SIAH1: variants seen among roughly 807,000 people sequenced by gnomAD.
SIAH1 encodes siah E3 ubiquitin protein ligase 1.
A neutral mutation model predicts 20.0 loss-of-function variants in SIAH1; 2 were observed. The ratio of observed to expected loss-of-function variants is 0.10; its 90% confidence interval spans 0.04 to 0.31. SIAH1 has a LOEUF of 0.31. SIAH1 is among the 10% of genes least tolerant of loss of function. The probability of loss-of-function intolerance (pLI) is 1.00; values close to 1 mark genes in which losing one functional copy is unlikely to be tolerated. For missense variants in SIAH1, 119 were observed against 355.3 expected, an observed-to-expected ratio of 0.33 and a Z score of 5.35; for synonymous variants, 118 against 125.3, an observed-to-expected ratio of 0.94 and a Z score of 0.39.
chr16:48,362,420 A>T lies in SIAH1; in HGVS notation c.9T>A (p.Arg3=), dbSNP rs1191871776. 6.2e-7 allele frequency: 1 copy of T among 1,614,076 alleles called. No individual in the cohort carries two copies. The highest frequency in any genetic ancestry group is 1.7e-5 in the Admixed American group (1 of 60,016). Residue 3 remains arginine, a synonymous_variant, in exon 2 of 2, where the codon CGT becomes CGA. Transcript: ENST00000394725. This position sits in a 1 kb window ranked among gnomAD's most constrained non-coding sequence, Gnocchi z 4.2. MS[R]QTATALPTGT... is the part of the protein sequence containing the mutation. ...CGGTAGGTAATGCTGTAGCAGTCTG[A>T]CGGCTCATTTCTGAAATAAATACAT...
At chr16:48,363,514 G>C (rs1960693940) in intron 1 of SIAH1, 1 of 167,014 alleles carries the variant, frequency 6.0e-6, no homozygotes, top group South Asian at 2.1e-4. Context: ...GTCTGGTAGA[G>C]AAAGTATATC....
chr16:48,381,551 A>G (rs1403301795), intron 1 of SIAH1, among the ~76,000 whole-genome samples: 1 of 152,242 alleles, frequency 6.6e-6, no homozygotes, highest in Non-Finnish European at 1.5e-5. Flanking sequence ...TGGTACATCT[A>G]GACAACAGAT....
intron 1 of SIAH1, among the ~76,000 whole-genome samples, chr16:48,376,849 GA>G (rs1441928424): frequency 3.9e-5 from 6 of 152,196 alleles, no homozygotes; most frequent in Admixed American, 3.9e-4. Context: ...CAACAAGCCT[GA>G]GTTCTGGCCA....
chr16:48,381,583 T>G (rs1961293583), intron 1 of SIAH1, among the ~76,000 whole-genome samples: 1 of 152,042 alleles, frequency 6.6e-6, no homozygotes, highest in Non-Finnish European at 1.5e-5. Context: ...CCTAAAGAAA[T>G]GAATTACCAA....
At chr16:48,371,547 G>A (rs1302188345) in intron 1 of SIAH1, among the ~76,000 whole-genome samples, 1 of 152,222 alleles carries the variant, frequency 6.6e-6, no homozygotes, top group African/African-American at 2.4e-5. Context: ...TCAAAGCAAA[G>A]TATGTATCAT....
At chr16:48,380,928 C>CAAAAAAAAAAAAAAAA (rs59376248) in intron 1 of SIAH1, among the ~76,000 whole-genome samples, 2,406 of 44,796 alleles carry the variant, frequency 0.054, 773 homozygotes, top group Non-Finnish European at 0.059. Flanking sequence ...GACTCCGTCT[C>CAAAAAAAAAAAAAAAA]AAAAAAAAAA....
intron 1 of SIAH1, among the ~76,000 whole-genome samples, chr16:48,381,290 A>C (rs966773610): frequency 1.3e-5 from 2 of 152,162 alleles, no homozygotes; most frequent in Non-Finnish European, 2.9e-5. Context: ...AGTTGCAGTG[A>C]GCTGAGATTG....
intron 1 of SIAH1, among the ~76,000 whole-genome samples, chr16:48,372,199 A>C (rs1207644556): frequency 6.6e-6 from 1 of 152,220 alleles, no homozygotes; most frequent in Non-Finnish European, 1.5e-5. Context: ...TAAAATAGAA[A>C]AAAGTAATGG....
intron 1 of SIAH1, among the ~76,000 whole-genome samples, chr16:48,373,216 C>T (rs1338461415): frequency 6.6e-6 from 1 of 152,060 alleles, no homozygotes; most frequent in African/African-American, 2.4e-5. Flanking sequence ...TAAATTCCAT[C>T]AACATGCTAA....
chr16:48,374,153 C>T (rs1417362130), intron 1 of SIAH1, among the ~76,000 whole-genome samples: 2 of 152,150 alleles, frequency 1.3e-5, no homozygotes, highest in African/African-American at 4.8e-5. Context: ...ACATAATTCA[C>T]TTATTATTTT....
intron 1 of SIAH1, among the ~76,000 whole-genome samples, chr16:48,376,440 C>A (rs1304237522): frequency 6.6e-6 from 1 of 152,046 alleles, no homozygotes; most frequent in African/African-American, 2.4e-5. Context: ...CCAGCCTATT[C>A]ACAAAAAACT....
At chr16:48,364,471 C>T (rs1293999988) in intron 1 of SIAH1, among the ~76,000 whole-genome samples, 1 of 152,088 alleles carries the variant, frequency 6.6e-6, no homozygotes, top group African/African-American at 2.4e-5. Flanking sequence ...TTTAAAGTTC[C>T]AGAGGCAACA....
At chr16:48,385,509 T>A (rs1203002435), upstream of SIAH1, 1 of 151,262 alleles carries the variant, frequency 6.6e-6, no homozygotes, top group African/African-American at 2.4e-5. Flanking sequence ...GGGCGGGGCT[T>A]TCGCGGGCGC....
chr16:48,380,698 C>T (rs1961254220), intron 1 of SIAH1, among the ~76,000 whole-genome samples: 2 of 151,660 alleles, frequency 1.3e-5, no homozygotes, highest in African/African-American at 4.8e-5. Context: ...CCGAGGTGGG[C>T]GAATCACTTG....
chr16:48,362,424 C>T lies in SIAH1; in HGVS notation c.5G>A (p.Ser2Asn). 1.9e-6 allele frequency: 3 copies of T among 1,613,940 alleles called. No homozygotes were observed. The highest frequency in any genetic ancestry group is 2.2e-5 in the South Asian group (2 of 91,030). The change falls in exon 2 of 2, where the codon AGC becomes AAC. Residue 2 changes from serine to asparagine, a missense_variant. Ser to Asn is a conservative substitution (Grantham distance 46). Transcript: ENST00000394725. This position sits in a 1 kb window ranked among gnomAD's most constrained non-coding sequence, Gnocchi z 4.2. Reference protein sequence around the residue: MSRQTATALPTG... With the variant: MNRQTATALPTG... ...AGGTAATGCTGTAGCAGTCTGACGG[C>T]TCATTTCTGAAATAAATACATAAGG...
At chr16:48,365,645 T>C (rs1960807391) in intron 1 of SIAH1, 1 of 1,428,306 alleles carries the variant, frequency 7.0e-7, no homozygotes, top group East Asian at 2.5e-5. Flanking sequence ...AAAGGAAGCC[T>C]TTCCATCCCC....
At chr16:48,384,994 G>A (rs979745239) in intron 1 of SIAH1, among the ~76,000 whole-genome samples, 1 of 147,308 alleles carries the variant, frequency 6.8e-6, no homozygotes, top group Non-Finnish European at 1.5e-5. Context: ...GGGCGAGCCG[G>A]CTTGCGAAGG....
In SIAH1 at chr16:48,361,627, C is replaced by A; in HGVS notation, c.802G>T (p.Ala268Ser). The A allele has an allele frequency of 6.2e-7, 1 of 1,612,956 alleles. No individual in the cohort carries two copies. Among genetic ancestry groups the A allele is most frequent in the South Asian group, 1.1e-5 (1 of 91,068 alleles). The change falls in exon 2 of 2, where the codon GCA becomes TCA. Residue 268 changes from alanine to serine, a missense_variant. Ala to Ser is a moderately conservative substitution (Grantham distance 99). Around this residue, in one of 2 missense-constraint regions of SIAH1, gnomAD observed 84 missense variants for 307.8 expected, o/e 0.27. Coordinates refer to ENST00000394725, the MANE Select transcript of SIAH1 (RefSeq NM_003031.4). ...VFDTSIAQLFAENGNLGINVT... is the reference protein window; with the variant it reads ...VFDTSIAQLFSENGNLGINVT... ...TTGATGCCTAAATTGCCATTTTCTG[C>A]AAAAAGCTGTGCAATGCTGGTGTCA... is the stretch of plus-strand genomic sequence containing the variant.
chr16:48,372,805 A>G (rs1179546960), intron 1 of SIAH1, among the ~76,000 whole-genome samples: 1 of 152,224 alleles, frequency 6.6e-6, no homozygotes, highest in Non-Finnish European at 1.5e-5. Context: ...TCAATCCCAT[A>G]AGTGCAGTTT....
Sources: gnomAD v4.1 joint callset for allele counts (sites outside exome capture counted in the v4.1 genomes callset) on GRCh38, gnomAD v4.1.1 for gene constraint, gnomAD v4.1.1 regional missense constraint, Gnocchi (gnomAD v3.1) non-coding constraint, MANE v1.5 for transcripts, NCBI Gene and HGNC (gene_info 2026-07-23, HGNC 2026-07-21) for gene names.